NSUN2: variants seen among roughly 807,000 people sequenced by gnomAD.
NSUN2 encodes the protein RNA cytosine C(5)-methyltransferase NSUN2.
Under a neutral mutation model 92.7 loss-of-function variants are expected in NSUN2, and 63 were observed. The observed-to-expected ratio is 0.68, with a 90% CI of 0.56 to 0.84. NSUN2 has a LOEUF of 0.84. Among genes scored for constraint, NSUN2 ranks in the 40% least tolerant of loss-of-function variants. NSUN2 has a pLI of 0.00. For missense variants in NSUN2, 989 were observed against 964.9 expected, an observed-to-expected ratio of 1.02 and a Z score of -0.33; for synonymous variants, 356 against 348.3, an observed-to-expected ratio of 1.02 and a Z score of -0.25.
chr5:6,632,822 G>A (rs1434056578), intron 1 of NSUN2, 62 bp downstream of exon 1: 1 of 1,567,362 alleles, frequency 6.4e-7, no homozygotes, highest in Non-Finnish European at 8.6e-7. Context: ...CGCCTCGCAG[G>A]CCTCGGGGTC....
intron 3 of NSUN2, among the ~76,000 whole-genome samples, chr5:6,630,292 G>A (rs1010696916): frequency 1.3e-5 from 2 of 152,142 alleles, no homozygotes; most frequent in African/African-American, 4.8e-5. Context: ...AAAAATCTAA[G>A]ATGTGGCATA....
At position 6,611,017 on chromosome 5, in the gene NSUN2, G is replaced by A. The variant is rs1736964119; in HGVS notation, c.1164C>T (p.Ile388=). Residue 388 remains isoleucine, a synonymous_variant, in exon 11 of 19, where the codon ATC becomes ATT. Coordinates refer to ENST00000264670, the MANE Select transcript of NSUN2 (RefSeq NM_017755.6). The part of the protein sequence containing the change: ...DAVPHSRHTQ[I]RPTMFPPKDP... ...CCTTCGGAGGGAACATGGTAGGTCG[G>A]ATCTGGGTGTGTCTGCTGTGAGGAA... is the stretch of plus-strand genomic sequence containing the variant. 6.2e-7 allele frequency: 1 copy of A among 1,614,220 alleles called. No homozygotes were observed. The highest frequency in any genetic ancestry group is 1.1e-5 in the South Asian group (1 of 91,086).
intron 8 of NSUN2, 94 bp downstream of exon 8, chr5:6,617,856 T>C (rs1028271401): frequency 2.2e-6 from 2 of 924,188 alleles, no homozygotes; most frequent in Admixed American, 2.2e-5. Flanking sequence ...TGCTTACAGC[T>C]CTCTAATTAA....
At chr5:6,604,803 A>C (rs1579355152) in intron 15 of NSUN2, 118 bp from the exon 16 acceptor site, 8 of 788,226 alleles carry the variant, frequency 1.0e-5, no homozygotes, top group African/African-American at 1.7e-5. Context: ...AGAAGCAGAA[A>C]CCCACCGAGA....
Position 6,632,730 on chromosome 5 carries a change from G to C in NSUN2, c.123C>G (p.Ile41Met), listed in dbSNP as rs112327056. 5 of 1,613,982 alleles carry C rather than the reference G, an allele frequency of 3.1e-6. No individual in the cohort carries two copies. Among genetic ancestry groups the C allele is most frequent in the Middle Eastern group, 1.7e-4 (1 of 6,054 alleles). The change falls in exon 2 of 19, where the codon ATC (isoleucine) becomes ATG (methionine). Residue 41 changes from isoleucine to methionine, a missense_variant. Physicochemically the swap from Ile to Met is conservative, Grantham distance 10. Coordinates refer to ENST00000264670, the MANE Select transcript of NSUN2 (RefSeq NM_017755.6). ...GCTCGAACAGCTTGTTCTCCTTGAC[G>C]ATCTCGGGGTAGCCTCCTTCCCAGC... The part of the protein sequence containing the change: ...EAGWEGGYPE[I>M]VKENKLFEHY...
At chr5:6,600,275 A>T in intron 18 of NSUN2, 43 bp from the exon 19 acceptor site, 1 of 1,553,478 alleles carries the variant, frequency 6.4e-7, no homozygotes, top group Non-Finnish European at 8.8e-7. Flanking sequence ...AAACATTCCC[A>T]TAACTAAATC....
At chr5:6,615,451 C>T (rs1317661172) in intron 9 of NSUN2, among the ~76,000 whole-genome samples, 5 of 152,178 alleles carry the variant, frequency 3.3e-5, no homozygotes, top group Non-Finnish European at 7.4e-5. Context: ...CTATTATGTG[C>T]CCCATACTCC....
rs16877643 is a variant in NSUN2 at position 6,607,504 on chromosome 5, T to G, written c.1324-120A>C. The G allele has an allele frequency of 1.9e-3, 1,640 of 852,390 alleles. 21 individuals carry two copies. The African/African-American group carries it at 0.026, about 13-fold the overall frequency. 52.8% of individuals were successfully genotyped at this position (852,390 alleles called of 1,614,324 possible). On this transcript the variant is annotated intron_variant, in intron 12 of 18. Coordinates refer to ENST00000264670, the MANE Select transcript of NSUN2 (RefSeq NM_017755.6). ...TTATATTTTTCTACAGCATTATATG[T>G]AGAGAAAGACAACAGAATTTTTTTA...
At chr5:6,623,094 A>C (rs1479541281) in intron 5 of NSUN2, 120 bp downstream of exon 5, 7 of 738,050 alleles carry the variant, frequency 9.5e-6, no homozygotes, top group Non-Finnish European at 1.5e-5. Flanking sequence ...CTCTCTATCC[A>C]AAGTGAAAAG....
At chr5:6,607,690 T>C (rs745984069) in intron 12 of NSUN2, among the ~76,000 whole-genome samples, 7 of 152,230 alleles carry the variant, frequency 4.6e-5, no homozygotes, top group Non-Finnish European at 7.3e-5. Context: ...ATGCTTATCG[T>C]GCATCTGCTC....
Position 6,618,683 on chromosome 5 carries a change from A to G in NSUN2, c.816-659T>C, listed in dbSNP as rs558766567. Among the ~76,000 whole-genome samples, 54 of 152,338 alleles carry G rather than the reference A, an allele frequency of 3.5e-4. No homozygotes were observed. In the South Asian group the frequency reaches 3.7e-3, roughly 11 times the overall value. Reference sequence around the variant, plus strand: ...TACTAATAGCTAAATTTTTCTTACAATCACCGTTAAATTTCTGACTTTCTA... The same window carrying G: ...TACTAATAGCTAAATTTTTCTTACAGTCACCGTTAAATTTCTGACTTTCTA... On this transcript the variant is annotated intron_variant, in intron 7 of 18. Coordinates refer to ENST00000264670, the MANE Select transcript of NSUN2 (RefSeq NM_017755.6).
At chr5:6,606,341 C>T (rs544772021) in intron 14 of NSUN2, among the ~76,000 whole-genome samples, 69 of 152,172 alleles carry the variant, frequency 4.5e-4, no homozygotes, top group Admixed American at 1.6e-3. Flanking sequence ...TGGAGTGCAG[C>T]GGCGCGATCT....
intron 12 of NSUN2, among the ~76,000 whole-genome samples, chr5:6,609,244 G>C (rs1656855930): frequency 6.6e-6 from 1 of 152,198 alleles, no homozygotes; most frequent in African/African-American, 2.4e-5. Context: ...CGTGATACAG[G>C]TGAGACAGCA....
At chr5:6,616,905 T>G in intron 8 of NSUN2, 48 bp from the exon 9 acceptor site, 1 of 1,552,324 alleles carries the variant, frequency 6.4e-7, no homozygotes, top group Non-Finnish European at 8.8e-7. Flanking sequence ...ATCCATGAAG[T>G]GCACATATTA....
intron 18 of NSUN2, among the ~76,000 whole-genome samples, chr5:6,601,776 C>T (rs921549970): frequency 1.3e-5 from 2 of 152,104 alleles, no homozygotes; most frequent in Admixed American, 1.3e-4. Context: ...CCCAGTCAGC[C>T]GTGGACCCCA....
chr5:6,616,883 A>T, intron 8 of NSUN2, 26 bp from the exon 9 acceptor site: 1 of 1,607,338 alleles, frequency 6.2e-7, no homozygotes, highest in Non-Finnish European at 8.5e-7. Context: ...AGATGACTGC[A>T]AGGCCAAATG....
chr5:6,626,949 C>CT (rs149177520), intron 3 of NSUN2, among the ~76,000 whole-genome samples: 75 of 152,306 alleles, frequency 4.9e-4, no homozygotes, highest in African/African-American at 1.7e-3. Flanking sequence ...CTTTTAAACT[C>CT]TGATTTTTTG....
chr5:6,604,389 TG>T, intron 16 of NSUN2, 113 bp from the exon 17 acceptor site: 1 of 1,064,514 alleles, frequency 9.4e-7, no homozygotes, highest in Non-Finnish European at 1.4e-6. Context: ...GCCCTCACTA[TG>T]GCCCCTCCCC....
intron 11 of NSUN2, 53 bp downstream of exon 11, chr5:6,610,902 G>C: frequency 6.2e-7 from 1 of 1,603,736 alleles, no homozygotes; most frequent in Non-Finnish European, 8.5e-7. Flanking sequence ...AGCTCACCAG[G>C]GATGGGGCTT....
Sources: allele counts gnomAD v4.1 joint callset (sites outside exome capture counted in the v4.1 genomes callset), GRCh38; gene constraint gnomAD v4.1.1; transcripts MANE v1.5; gene names NCBI Gene and HGNC (gene_info 2026-07-23, HGNC 2026-07-21).